Variants in ADAM22 observed in about 807,000 individuals in gnomAD.
ADAM22 encodes the protein disintegrin and metalloproteinase domain-containing protein 22.
Under a neutral mutation model 144.6 loss-of-function variants are expected in ADAM22, and 65 were observed. The ratio of observed to expected loss-of-function variants is 0.45; its 90% CI spans 0.37 to 0.55. The LOEUF (loss-of-function observed/expected upper bound fraction) is 0.55, where lower values mean the gene tolerates loss of function less well. Ranked by LOEUF, ADAM22 falls within the 20% of genes least tolerant of loss-of-function variation. The probability of loss-of-function intolerance (pLI) is 0.00; values close to 1 mark genes in which losing one functional copy is unlikely to be tolerated. For synonymous variants in ADAM22, 391 were observed against 412.6 expected (o/e 0.95, Z 0.63); for missense variants, 974 against 1,184.9 (o/e 0.82, Z 2.61).
chr7:87,947,120 T>A (rs1450330859), intron 2 of ADAM22, among the ~76,000 whole-genome samples: 1 of 151,490 alleles, frequency 6.6e-6, no homozygotes, highest in Non-Finnish European at 1.5e-5. Flanking sequence ...AGCATCTGCG[T>A]GATAGGATCA....
At chr7:88,053,700 C>T (rs1013428827) in intron 3 of ADAM22, among the ~76,000 whole-genome samples, 2 of 152,054 alleles carry the variant, frequency 1.3e-5, no homozygotes, top group African/African-American at 4.8e-5. Context: ...AGAGCTAATT[C>T]CATACTAATA....
intron 4 of ADAM22, among the ~76,000 whole-genome samples, 173 bp from the exon 5 acceptor site, chr7:88,108,001 CAG>C (rs1362520397): frequency 1.3e-5 from 2 of 152,152 alleles, no homozygotes; most frequent in East Asian, 1.9e-4. Context: ...TCAGCTCACT[CAG>C]AGTGTTTATG....
chr7:88,044,891 A>AT (rs1176264110), intron 3 of ADAM22, among the ~76,000 whole-genome samples: 2 of 150,892 alleles, frequency 1.3e-5, no homozygotes, highest in African/African-American at 4.9e-5. Flanking sequence ...CACCTGGCTA[A>AT]TTTTTGTATT....
rs78010491 is a variant in ADAM22, at chr7:88,196,273, G to A, written c.2875-198G>A. Reference sequence around the variant, plus strand: ...ATCAAAAGATGGCTGCTGTTAAAAAGGTTGAGACACAGGTTTTGAGGAAAC... The same window carrying A: ...ATCAAAAGATGGCTGCTGTTAAAAAAGTTGAGACACAGGTTTTGAGGAAAC... On this transcript the variant is annotated intron_variant, in intron 31 of 31. Coordinates refer to ENST00000413139, the MANE Select transcript of ADAM22 (RefSeq NM_001324418.2). 6.7e-3 allele frequency among the ~76,000 whole-genome samples: 1,014 copies of A among 152,308 alleles called. 21 individuals are homozygous for A. Among genetic ancestry groups the A allele is most frequent in the African/African-American group, 0.023 (958 of 41,556 alleles).
chr7:88,053,433 C>T (rs1159149226), intron 3 of ADAM22, among the ~76,000 whole-genome samples: 1 of 151,942 alleles, frequency 6.6e-6, no homozygotes, highest in Non-Finnish European at 1.5e-5. Flanking sequence ...TGCACCACTG[C>T]ACTCTAGCCA....
At chr7:88,142,957 C>T in intron 14 of ADAM22, 69 bp from the exon 15 acceptor site, 1 of 939,456 alleles carries the variant, frequency 1.1e-6, no homozygotes, top group Admixed American at 2.0e-5. Context: ...TTTAAGTCTT[C>T]AGTTTTCAGA....
In ADAM22 at chr7:87,948,788, A is replaced by T. The variant is rs143132499; in HGVS notation, c.246+13602A>T. ...TAAGGAGGGGATTGGGGCGCCGATA[A>T]CTTGGGTGTTAGTAGAAGGTGTTCT... On this transcript the variant is annotated intron_variant, in intron 2 of 31. Transcript: ENST00000413139. 3.5e-3 allele frequency among the ~76,000 whole-genome samples: 539 copies of T among 152,316 alleles called. 1 individual carries two copies. The highest frequency in any genetic ancestry group is 0.012 in the African/African-American group (508 of 41,566).
chr7:88,050,255 A>G (rs1805883591), intron 3 of ADAM22, among the ~76,000 whole-genome samples: 1 of 149,790 alleles, frequency 6.7e-6, no homozygotes, highest in Non-Finnish European at 1.5e-5. Flanking sequence ...CCTGGGCATC[A>G]TAAGGTGCAT....
chr7:88,050,285 C>T (rs1240225360), intron 3 of ADAM22, among the ~76,000 whole-genome samples: 1 of 148,998 alleles, frequency 6.7e-6, no homozygotes, highest in Non-Finnish European at 1.5e-5. Flanking sequence ...CCCAGCTCCT[C>T]AGAAAACTGA....
In ADAM22 at chr7:88,124,520, T is replaced by C. The variant is rs145711440; in HGVS notation, c.608-1069T>C. The stretch of plus-strand genomic sequence containing the variant: ...CTTCTAAACAGCATGCAGTTAAGTC[T>C]TGCATTAAAAAAAAAAAATCCAGTC... On this transcript the variant is annotated intron_variant, in intron 7 of 31. Transcript: ENST00000413139. Among the ~76,000 whole-genome samples the C allele has an allele frequency of 2.6e-5, 4 of 151,976 alleles. No homozygotes were observed. In the East Asian group the frequency reaches 5.8e-4, roughly 22 times the overall value.
At chr7:87,986,762 A>G (rs1788590607) in intron 3 of ADAM22, among the ~76,000 whole-genome samples, 1 of 152,156 alleles carries the variant, frequency 6.6e-6, no homozygotes, top group African/African-American at 2.4e-5. Flanking sequence ...ATTGTTTAAT[A>G]TGACTTTTAG....
In ADAM22 at chr7:87,935,183, G is replaced by T. The variant is rs1378825403; in HGVS notation, c.243G>T (p.Pro81=). The change falls in exon 2 of 32, where the codon CCG becomes CCT. Residue 81 remains proline (P), a synonymous_variant. Coordinates refer to ENST00000413139, the MANE Select transcript of ADAM22 (RefSeq NM_001324418.2). ...GGGTGCGGGGCGACCTCGGTGGCCC[G>T]CAGGTGAGAGGCTCGGTCCGGGAGG... ...DTRVRGDLGG[P]QLTHVDQASF... is the part of the protein sequence containing the mutation. 1 of 1,599,764 alleles carries T rather than the reference G, an allele frequency of 6.3e-7. No individual in the cohort carries two copies. The highest frequency in any genetic ancestry group is 8.5e-7 in the Non-Finnish European group (1 of 1,172,766).
At chr7:87,952,559 G>T (rs1845519904) in intron 2 of ADAM22, among the ~76,000 whole-genome samples, 1 of 151,928 alleles carries the variant, frequency 6.6e-6, no homozygotes, top group Non-Finnish European at 1.5e-5. Flanking sequence ...TTTTACTGAG[G>T]ATTTTTGCAT....
chr7:88,127,705 T>A (rs1291516376), intron 8 of ADAM22, among the ~76,000 whole-genome samples: 1 of 152,020 alleles, frequency 6.6e-6, no homozygotes, highest in Admixed American at 6.6e-5. Context: ...ATGTATTGAT[T>A]TAAGTTTGAT....
At chr7:88,038,836 A>G (rs1329614406) in intron 3 of ADAM22, among the ~76,000 whole-genome samples, 1 of 151,030 alleles carries the variant, frequency 6.6e-6, no homozygotes, top group Non-Finnish European at 1.5e-5. Context: ...GCGGGAGCAC[A>G]GTGGTGCCAT....
At chr7:87,952,441 T>C (rs1476294449) in intron 2 of ADAM22, among the ~76,000 whole-genome samples, 4 of 152,160 alleles carry the variant, frequency 2.6e-5, no homozygotes, top group African/African-American at 4.8e-5. Context: ...TGCTGGATTG[T>C]ATTTATTGAT....
rs1007958507 is a variant in ADAM22, at chr7:88,202,365, T to A, written c.*5874T>A. 6.6e-6 allele frequency: 1 copy of A among 152,142 alleles called. No homozygotes were observed. Among genetic ancestry groups the A allele is most frequent in the African/African-American group, 2.4e-5 (1 of 41,422 alleles). 9.4% of individuals were successfully genotyped at this position (152,142 alleles called of 1,614,324 possible). On this transcript the variant is annotated 3_prime_UTR_variant, in exon 32 of 32. Transcript: ENST00000413139. ...ACAACTTCTTTCAGAAACGGGGTGT[T>A]TTACCTAAACATAGTAGCTTACATG...
At chr7:88,040,367 G>C (rs1802814270) in intron 3 of ADAM22, among the ~76,000 whole-genome samples, 1 of 151,766 alleles carries the variant, frequency 6.6e-6, no homozygotes, top group African/African-American at 2.4e-5. Flanking sequence ...CCTGACCTTA[G>C]GTGATCCACC....
intron 14 of ADAM22, among the ~76,000 whole-genome samples, chr7:88,136,491 G>A (rs937411694): frequency 3.3e-5 from 5 of 151,996 alleles, no homozygotes; most frequent in African/African-American, 1.2e-4. Flanking sequence ...TACTGAAAAG[G>A]GAGTTGGGAA....
Sources: allele counts gnomAD v4.1 joint callset (sites outside exome capture counted in the v4.1 genomes callset), GRCh38; gene constraint gnomAD v4.1.1; transcripts MANE v1.5; gene names NCBI Gene and HGNC (gene_info 2026-07-23, HGNC 2026-07-21).